ABCD3: variants seen among roughly 807,000 people sequenced by gnomAD.
ABCD3 encodes the protein ATP-binding cassette sub-family D member 3.
Under a neutral mutation model 105.5 loss-of-function variants are expected in ABCD3, and 41 were observed. The ratio of observed to expected loss-of-function variants is 0.39; its 90% CI spans 0.30 to 0.50. ABCD3 has a LOEUF of 0.50. Ranked by LOEUF, ABCD3 falls within the 20% of genes least tolerant of loss-of-function variation. The pLI, the probability that ABCD3 is intolerant of heterozygous loss-of-function variation, is 0.84. For missense variants in ABCD3, 622 were observed against 806.3 expected (o/e 0.77, Z 2.77); for synonymous variants, 258 against 269.0 (o/e 0.96, Z 0.40).
chr1:94,498,607 A>G lies in ABCD3; in HGVS notation c.1392A>G (p.Arg464=), dbSNP rs1570822502. The change falls in exon 17 of 23, where the codon CGA becomes CGG. Residue 464 remains arginine (R), a synonymous_variant. Coordinates refer to ENST00000370214, the MANE Select transcript of ABCD3 (RefSeq NM_002858.4). ...VLIRDLNFEV[R]SGANVLICGP... ...GATTTTTTTTTTTTTTTCAGGTTCG[A>G]TCTGGGGCTAATGTTCTAATTTGTG... The G allele has an allele frequency of 6.2e-7, 1 of 1,600,592 alleles. No individual in the cohort carries two copies. Among genetic ancestry groups the G allele is most frequent in the Non-Finnish European group, 8.5e-7 (1 of 1,175,510 alleles).
the ABCD3 span, chr1:94,406,489 G>T: frequency 2.4e-6 from 1 of 413,416 alleles, no homozygotes; most frequent in South Asian, 2.0e-5. Context: ...ACAGGCTGGC[G>T]CTTCAGTTGA....
At chr1:94,405,366 A>C in the ABCD3 span, among the ~76,000 whole-genome samples, 1 of 149,202 alleles carries the variant, frequency 6.7e-6, no homozygotes, top group Non-Finnish European at 1.5e-5. Flanking sequence ...GCTGGAGTGC[A>C]ATGGCCCCAT....
intron 2 of ABCD3, among the ~76,000 whole-genome samples, chr1:94,463,914 T>A (rs1018881783): frequency 1.3e-5 from 2 of 152,198 alleles, no homozygotes; most frequent in Admixed American, 1.3e-4. Context: ...CATCTTGCTG[T>A]GAAATGTGCA....
In ABCD3 at chr1:94,463,446, G is replaced by A. The variant is rs569738298; in HGVS notation, c.148-1329G>A. Among the ~76,000 whole-genome samples the A allele has an allele frequency of 2.6e-5, 4 of 152,274 alleles. 1 individual carries two copies. In the South Asian group the frequency reaches 8.3e-4, roughly 32 times the overall value. On this transcript the variant is annotated intron_variant, in intron 2 of 22. Transcript: ENST00000370214. ...AAACAGTTCACTTAAGGCTCATCAA[G>A]TTAGATATTTATTTAATCAAAGCAC... is the stretch of plus-strand genomic sequence containing the variant.
chr1:94,452,443 C>T (rs1347519353), intron 1 of ABCD3, among the ~76,000 whole-genome samples: 2 of 152,168 alleles, frequency 1.3e-5, no homozygotes, highest in Middle Eastern at 3.2e-3. Context: ...ATGAAGGTAA[C>T]TTGAGCACAG....
intron 1 of ABCD3, chr1:94,419,252 G>A: frequency 1.0e-6 from 1 of 983,130 alleles, no homozygotes; most frequent in Non-Finnish European, 1.2e-6. Flanking sequence ...AGGCTGGATC[G>A]GTTCTGTCGG....
rs909779849 is a variant in ABCD3 at position 94,418,398 on chromosome 1, C to T, written c.-81C>T. ...CGCCCTCTGCTCTCCTCCCAGTCTCCCCCGCGCTGCGTGCAGTAAGGTAGC... is the reference window on the plus strand; with the variant it reads ...CGCCCTCTGCTCTCCTCCCAGTCTCTCCCGCGCTGCGTGCAGTAAGGTAGC... On this transcript the variant is annotated 5_prime_UTR_variant, in exon 1 of 23. Transcript: ENST00000370214. The T allele has an allele frequency of 5.6e-6, 7 of 1,258,294 alleles. No individual in the cohort carries two copies. The South Asian group carries it at 8.9e-5, about 16-fold the overall frequency. The allele number at this position is 1,258,294 out of a possible 1,614,324, so 77.9% of individuals were successfully genotyped here. A position where few individuals can be genotyped will look rare whatever the true frequency, so the allele number is the denominator to read the frequency against.
At chr1:94,438,311 C>T (rs901190976) in intron 1 of ABCD3, among the ~76,000 whole-genome samples, 1 of 136,960 alleles carries the variant, frequency 7.3e-6, no homozygotes, top group South Asian at 2.3e-4. Flanking sequence ...TACACACACA[C>T]ACACACACAC....
chr1:94,440,045 T>G (rs970153019), intron 1 of ABCD3, among the ~76,000 whole-genome samples: 1 of 152,358 alleles, frequency 6.6e-6, no homozygotes, highest in African/African-American at 2.4e-5. Flanking sequence ...GCATTGCTTC[T>G]TAATTTTTTC....
chr1:94,466,043 C>T (rs1648116232), intron 3 of ABCD3, among the ~76,000 whole-genome samples: 2 of 152,134 alleles, frequency 1.3e-5, no homozygotes, highest in African/African-American at 4.8e-5. Context: ...CCTGATGATT[C>T]TGCCCTTGAG....
In ABCD3 at chr1:94,466,606, A is replaced by G. The variant is rs144306905; in HGVS notation, c.247-1313A>G. On this transcript the variant is annotated intron_variant, in intron 3 of 22. Coordinates refer to ENST00000370214, the MANE Select transcript of ABCD3 (RefSeq NM_002858.4). Reference sequence around the variant, plus strand: ...CCTGTACGTCCCCACAACAAAAACAAATATGTTTTTAAAAATTGCTTAATG... The same window carrying G: ...CCTGTACGTCCCCACAACAAAAACAGATATGTTTTTAAAAATTGCTTAATG... Among the ~76,000 whole-genome samples, 135 of 151,594 alleles carry G rather than the reference A, an allele frequency of 8.9e-4. 1 individual carries two copies. The highest frequency in any genetic ancestry group is 3.1e-3 in the African/African-American group (127 of 40,898).
At chr1:94,420,673 A>C (rs1362839046) in intron 1 of ABCD3, among the ~76,000 whole-genome samples, 5 of 152,152 alleles carry the variant, frequency 3.3e-5, no homozygotes, top group Non-Finnish European at 7.4e-5. Flanking sequence ...AATGGTATTG[A>C]GTGTATTTTT....
At chr1:94,437,058 A>G (rs1659932999) in intron 1 of ABCD3, among the ~76,000 whole-genome samples, 2 of 152,212 alleles carry the variant, frequency 1.3e-5, no homozygotes, top group Admixed American at 1.3e-4. Context: ...GAGATTAGCA[A>G]AGGTTGGTTC....
At chr1:94,438,305 C>T (rs201476671) in intron 1 of ABCD3, among the ~76,000 whole-genome samples, 59 of 69,812 alleles carry the variant, frequency 8.5e-4, no homozygotes, top group Non-Finnish European at 1.1e-3. Flanking sequence ...CACACATACA[C>T]ACACACACAC....
In ABCD3 at chr1:94,517,032, T is replaced by C. The variant is rs1650950684; in HGVS notation, c.1903-20T>C. On this transcript the variant is annotated intron_variant, in intron 22 of 22. Transcript: ENST00000370214. The stretch of plus-strand genomic sequence containing the variant: ...ATTCACTCTTAGTTACTGACTTTTT[T>C]TCCCCCTTCTTTCCCATAGTACTAC... 10 of 1,568,330 alleles carry C rather than the reference T, an allele frequency of 6.4e-6. No individual in the cohort carries two copies. The highest frequency in any genetic ancestry group is 8.8e-6 in the Non-Finnish European group (10 of 1,139,076).
At chr1:94,503,821 G>A (rs1219847881) in intron 20 of ABCD3, among the ~76,000 whole-genome samples, 1 of 149,988 alleles carries the variant, frequency 6.7e-6, no homozygotes, top group African/African-American at 2.5e-5. Flanking sequence ...TTTTTTTTGA[G>A]GCAGTCTCAC....
chr1:94,489,435 A>G (rs1421343911), intron 13 of ABCD3, among the ~76,000 whole-genome samples: 1 of 152,090 alleles, frequency 6.6e-6, no homozygotes, highest in Non-Finnish European at 1.5e-5. Context: ...GTAGTATCCA[A>G]GAGAAACCTC....
chr1:94,480,344 C>T, intron 8 of ABCD3, 120 bp from the exon 9 acceptor site: 1 of 1,271,170 alleles, frequency 7.9e-7, no homozygotes, highest in Non-Finnish European at 1.1e-6. Flanking sequence ...AAAAATTACC[C>T]AGTAGGGCAA....
At chr1:94,465,841 G>C (rs1448969630) in intron 3 of ABCD3, among the ~76,000 whole-genome samples, 6 of 151,964 alleles carry the variant, frequency 3.9e-5, no homozygotes, top group Non-Finnish European at 8.8e-5. Context: ...ATCTTCCTCA[G>C]CATTCTCTCA....
Sources: gnomAD v4.1 joint callset for allele counts (sites outside exome capture counted in the v4.1 genomes callset) on GRCh38, gnomAD v4.1.1 for gene constraint, MANE v1.5 for transcripts, NCBI Gene and HGNC (gene_info 2026-07-23, HGNC 2026-07-21) for gene names.